Variants in MAML3 observed in about 807,000 individuals in gnomAD.
The protein encoded by MAML3 is mastermind-like protein 3.
A neutral mutation model predicts 101.9 loss-of-function variants in MAML3; 27 were observed. The ratio of observed to expected loss-of-function variants is 0.27; its 90% CI spans 0.20 to 0.37. The LOEUF (loss-of-function observed/expected upper bound fraction) is 0.37. MAML3 is among the 10% of genes least tolerant of loss of function. MAML3 has a pLI of 1.00. For missense variants in MAML3, 1,316 were observed against 1,444.9 expected (o/e 0.91, Z 1.45); for synonymous variants, 501 against 555.9 (o/e 0.90, Z 1.39).
intron 2 of MAML3, among the ~76,000 whole-genome samples, chr4:139,760,867 C>T (rs910634119): frequency 8.5e-5 from 13 of 152,128 alleles, no homozygotes; most frequent in African/African-American, 2.4e-4. Flanking sequence ...ACAGGATGGT[C>T]GTGACAACTC....
In MAML3 at chr4:139,730,559, G is replaced by A. The variant is rs767947643; in HGVS notation, c.2188C>T (p.Leu730=). Residue 730 remains leucine, a synonymous_variant, in exon 3 of 5, where the codon CTG becomes TTG. Transcript: ENST00000509479. The part of the protein sequence containing the change: ...SGASPAGPGF[L]GSQPQAAIMK... ...ATGGCTGCTTGGGGCTGGCTGCCCAGGAAGCCGGGGCCTGCGGGACTGGCT... is the reference window on the plus strand; with the variant it reads ...ATGGCTGCTTGGGGCTGGCTGCCCAAGAAGCCGGGGCCTGCGGGACTGGCT... 1.3e-6 allele frequency: 2 copies of A among 1,591,248 alleles called. No homozygotes were observed. Among genetic ancestry groups the A allele is most frequent in the Admixed American group, 1.8e-5 (1 of 56,032 alleles).
At chr4:139,902,263 GCACACACA>G (rs1285715593) in intron 1 of MAML3, among the ~76,000 whole-genome samples, 1 of 63,848 alleles carries the variant, frequency 1.6e-5, no homozygotes. Flanking sequence ...GCACACACAC[GCACACACA>G]CACGCACACA....
intron 1 of MAML3, among the ~76,000 whole-genome samples, chr4:140,150,374 C>T (rs1729138144): frequency 6.6e-6 from 1 of 152,150 alleles, no homozygotes; most frequent in African/African-American, 2.4e-5. Flanking sequence ...ACCAGGCGCG[C>T]GCACCCGAGC....
intron 1 of MAML3, among the ~76,000 whole-genome samples, chr4:139,989,411 C>T (rs1044006935): frequency 6.6e-6 from 1 of 152,142 alleles, no homozygotes; most frequent in Non-Finnish European, 1.5e-5. Context: ...GAAACACGCC[C>T]GACGGCTTCT....
At chr4:139,843,513 G>A (rs1443853057) in intron 2 of MAML3, among the ~76,000 whole-genome samples, 1 of 152,090 alleles carries the variant, frequency 6.6e-6, no homozygotes, top group African/African-American at 2.4e-5. Flanking sequence ...TAAGGACAAG[G>A]CAAAAGTAAA....
At position 139,777,914 on chromosome 4, in the gene MAML3, G is replaced by T. The variant is rs1730122161; in HGVS notation, c.2080-47247C>A. Among the ~76,000 whole-genome samples, 4 of 152,230 alleles carry T rather than the reference G, an allele frequency of 2.6e-5. No homozygotes were observed. The South Asian group carries it at 8.3e-4, about 32-fold the overall frequency. ...TTGCTGTTCCTGAAAAGCCAGCTTT[G>T]CTCTCTTTGTGCCAGCTGCTCCCTT... On this transcript the variant is annotated intron_variant, in intron 2 of 4. Coordinates refer to ENST00000509479, the MANE Select transcript of MAML3 (RefSeq NM_018717.5).
At chr4:139,957,089 G>C (rs961219513) in intron 1 of MAML3, among the ~76,000 whole-genome samples, 2 of 152,180 alleles carry the variant, frequency 1.3e-5, no homozygotes, top group South Asian at 4.1e-4. Context: ...GCAGAAACAG[G>C]AGTTAGGCCC....
At chr4:140,056,810 CA>C (rs559141021) in intron 1 of MAML3, among the ~76,000 whole-genome samples, 164 of 127,322 alleles carry the variant, frequency 1.3e-3, no homozygotes, top group Admixed American at 1.5e-3. Flanking sequence ...GACTCTGTCT[CA>C]AAAAAAAAAA....
intron 1 of MAML3, among the ~76,000 whole-genome samples, chr4:140,078,100 G>A (rs1218154286): frequency 3.3e-5 from 5 of 151,978 alleles, no homozygotes; most frequent in East Asian, 1.9e-4. Flanking sequence ...TGAATCAGTC[G>A]CAACAGTCTT....
intron 2 of MAML3, among the ~76,000 whole-genome samples, chr4:139,849,874 T>C (rs1350761168): frequency 6.6e-6 from 1 of 152,230 alleles, no homozygotes; most frequent in Non-Finnish European, 1.5e-5. Flanking sequence ...TTAAATAATA[T>C]TTGGTACATT....
chr4:139,823,600 A>C (rs1350039), intron 2 of MAML3, among the ~76,000 whole-genome samples: 65,308 of 151,682 alleles, frequency 0.43, 14,238 homozygotes, highest in Admixed American at 0.47. Flanking sequence ...TAAATTAGAC[A>C]CATCAGCAGC....
In MAML3 at chr4:140,074,152, A is replaced by G. The variant is rs138193907; in HGVS notation, c.468+78708T>C. ...AAAAAGAAAGAAAAAGAAAGAAAGA[A>G]AGAGAGAGAGAAAGGAAAGAAAGAA... On this transcript the variant is annotated intron_variant, in intron 1 of 4. Coordinates refer to ENST00000509479, the MANE Select transcript of MAML3 (RefSeq NM_018717.5). Among the ~76,000 whole-genome samples the G allele has an allele frequency of 2.7e-3, 372 of 136,004 alleles. 1 individual carries two copies. In the Middle Eastern group the frequency reaches 0.031, roughly 11 times the overall value. The allele number at this position is 136,004 out of a possible 152,430, so 89.2% of individuals were successfully genotyped here.
intron 1 of MAML3, among the ~76,000 whole-genome samples, chr4:139,991,653 G>GA (rs1188936879): frequency 6.6e-6 from 1 of 151,870 alleles, no homozygotes; most frequent in Non-Finnish European, 1.5e-5. Flanking sequence ...ATTTTCTTTT[G>GA]AAAAAAATTG....
chr4:139,961,625 A>C (rs1250159153), intron 1 of MAML3, among the ~76,000 whole-genome samples: 3 of 152,234 alleles, frequency 2.0e-5, no homozygotes, highest in Non-Finnish European at 4.4e-5. Context: ...AGTAGAATAC[A>C]ATAAAATGTA....
At position 140,153,054 on chromosome 4, in the gene MAML3, C is replaced by T. The variant is rs375155164; in HGVS notation, c.274G>A (p.Glu92Lys). ...ACCTGAGCCTGCTGGTACCTGTTCTCGCAGTTGACGTGGTGCCGACGGCAG... is the reference window on the plus strand; with the variant it reads ...ACCTGAGCCTGCTGGTACCTGTTCTTGCAGTTGACGTGGTGCCGACGGCAG... ...EGCRRHHVNC[E>K]NRYQQAQVEQ... Residue 92 changes from glutamate to lysine, a missense_variant, in exon 1 of 5, where the codon GAG (glutamate) becomes AAG (lysine). Glu to Lys is a moderately conservative substitution (Grantham distance 56, BLOSUM62 1). Coordinates refer to ENST00000509479, the MANE Select transcript of MAML3 (RefSeq NM_018717.5). 8.2e-6 allele frequency: 13 copies of T among 1,576,158 alleles called. No homozygotes were observed. Among genetic ancestry groups the T allele is most frequent in the Non-Finnish European group, 1.0e-5 (12 of 1,160,622 alleles).
chr4:139,735,408 G>T lies in MAML3; in HGVS notation c.2080-4741C>A, dbSNP rs1016671124. Reference sequence around the variant, plus strand: ...AGAATTCAAGTGGGGGAGGGCGCGGGAAGGGGACGTGGAGGGAAACGGAAG... The same window carrying T: ...AGAATTCAAGTGGGGGAGGGCGCGGTAAGGGGACGTGGAGGGAAACGGAAG... On this transcript the variant is annotated intron_variant, in intron 2 of 4. Transcript: ENST00000509479. This position sits in a 1 kb window ranked among gnomAD's most constrained non-coding sequence, Gnocchi z 5.8. Among the ~76,000 whole-genome samples the T allele has an allele frequency of 3.3e-5, 5 of 151,206 alleles. No homozygotes were observed. The highest frequency in any genetic ancestry group is 6.6e-5 in the Admixed American group (1 of 15,200).
chr4:139,914,273 A>C lies in MAML3; in HGVS notation c.469-23306T>G, dbSNP rs149903930. ...CATTATAAAGGGCTCGGCAAAAATTAGTTCATTCATTCAACAGGCACTCAT... is the reference window on the plus strand; with the variant it reads ...CATTATAAAGGGCTCGGCAAAAATTCGTTCATTCATTCAACAGGCACTCAT... On this transcript the variant is annotated intron_variant, in intron 1 of 4. Transcript: ENST00000509479. Among the ~76,000 whole-genome samples, 755 of 152,302 alleles carry C rather than the reference A, an allele frequency of 5.0e-3. 6 individuals are homozygous for C. The highest frequency in any genetic ancestry group is 0.017 in the African/African-American group (719 of 41,554).
chr4:140,004,817 C>T (rs943659123), intron 1 of MAML3, among the ~76,000 whole-genome samples: 1 of 152,040 alleles, frequency 6.6e-6, no homozygotes, highest in Non-Finnish European at 1.5e-5. Context: ...CATTTCCTAG[C>T]CGAAAGGAGG....
chr4:139,975,680 C>A (rs1734326356), intron 1 of MAML3, among the ~76,000 whole-genome samples: 1 of 152,092 alleles, frequency 6.6e-6, no homozygotes, highest in African/African-American at 2.4e-5. Context: ...AATAGGGGCC[C>A]AGGAACTATT....
Sources: allele counts gnomAD v4.1 joint callset (sites outside exome capture counted in the v4.1 genomes callset), GRCh38; gene constraint gnomAD v4.1.1; non-coding constraint Gnocchi (gnomAD v3.1); transcripts MANE v1.5; gene names NCBI Gene and HGNC (gene_info 2026-07-23, HGNC 2026-07-21).